The following PTPRG variants were observed in gnomAD, a reference collection of about 807,000 sequenced individuals.
PTPRG encodes the protein protein tyrosine phosphatase receptor type G.
PTPRG carries 102 observed loss-of-function variants against 165.3 expected under a neutral mutation model. The ratio of observed to expected loss-of-function variants is 0.62; its 90% CI spans 0.53 to 0.73. PTPRG has a LOEUF of 0.73. Among genes scored for constraint, PTPRG ranks in the 30% least tolerant of loss-of-function variants. The pLI is 0.00. For missense variants in PTPRG, 1,866 were observed against 1,861.4 expected, an observed-to-expected ratio of 1.00 and a Z score of -0.05; for synonymous variants, 675 against 669.5, an observed-to-expected ratio of 1.01 and a Z score of -0.13.
chr3:62,099,268 C>G (rs1702210379), intron 5 of PTPRG, among the ~76,000 whole-genome samples: 1 of 152,182 alleles, frequency 6.6e-6, no homozygotes, highest in Admixed American at 6.5e-5. Flanking sequence ...ACCATTAATT[C>G]TGGTGTAAGC....
chr3:61,798,665 T>C (rs1277132317), intron 2 of PTPRG, among the ~76,000 whole-genome samples: 1 of 151,722 alleles, frequency 6.6e-6, no homozygotes, highest in South Asian at 2.1e-4. Flanking sequence ...TTTGAATCTT[T>C]TCACTTTTAC....
At chr3:62,281,538 C>CTTTTTTTTTTTTCTT in intron 26 of PTPRG, 25 bp from the exon 27 acceptor site, 1 of 620,526 alleles carries the variant, frequency 1.6e-6, no homozygotes, top group Non-Finnish European at 2.1e-6. Context: ...ACTGCAGAGG[C>CTTTTTTTTTTTTCTT]TTTTTTTTTT....
At chr3:62,089,351 AT>A (rs1397608893) in intron 5 of PTPRG, among the ~76,000 whole-genome samples, 1 of 152,100 alleles carries the variant, frequency 6.6e-6, no homozygotes, top group Non-Finnish European at 1.5e-5. Context: ...GAGACTTTTT[AT>A]GATTTTCCCC....
At chr3:62,140,557 G>A (rs1048629886) in intron 6 of PTPRG, among the ~76,000 whole-genome samples, 4 of 152,098 alleles carry the variant, frequency 2.6e-5, no homozygotes, top group African/African-American at 9.7e-5. Flanking sequence ...AGAACAGTGG[G>A]GAGGAGGGGC....
At chr3:61,672,485 A>T (rs1040451940) in intron 1 of PTPRG, among the ~76,000 whole-genome samples, 1,498 of 147,374 alleles carry the variant, frequency 0.01, 32 homozygotes, top group African/African-American at 0.036. Flanking sequence ...CGGGAGGCCG[A>T]GGCTGGCGGA....
intron 1 of PTPRG, among the ~76,000 whole-genome samples, chr3:61,745,313 C>T (rs976154853): frequency 4.6e-5 from 7 of 152,136 alleles, no homozygotes; most frequent in African/African-American, 1.7e-4. Context: ...TCCCAAAGTG[C>T]TGGGATTACA....
chr3:61,999,911 T>C (rs1450536629), intron 3 of PTPRG, among the ~76,000 whole-genome samples: 1 of 152,232 alleles, frequency 6.6e-6, no homozygotes, highest in Non-Finnish European at 1.5e-5. Context: ...TTTTCTTTGA[T>C]ATAATCAAAA....
chr3:61,584,352 C>T (rs1267212583), intron 1 of PTPRG, among the ~76,000 whole-genome samples: 2 of 152,210 alleles, frequency 1.3e-5, no homozygotes, highest in Non-Finnish European at 2.9e-5. Flanking sequence ...CTAATCCTTT[C>T]TGTCATGTTT....
intron 1 of PTPRG, among the ~76,000 whole-genome samples, chr3:61,740,520 G>T (rs776086876): frequency 6.6e-6 from 1 of 151,946 alleles, no homozygotes; most frequent in East Asian, 1.9e-4. Context: ...CCAATGTTTT[G>T]TCCATTTTAG....
intron 1 of PTPRG, among the ~76,000 whole-genome samples, chr3:61,653,236 A>G (rs116587919): frequency 2.0e-5 from 3 of 152,320 alleles, no homozygotes; most frequent in Non-Finnish European, 2.9e-5. Flanking sequence ...GGGTTAGTCA[A>G]GACATCCTGT....
intron 1 of PTPRG, among the ~76,000 whole-genome samples, chr3:61,653,155 A>C (rs964133627): frequency 6.6e-6 from 1 of 152,206 alleles, no homozygotes; most frequent in Non-Finnish European, 1.5e-5. Context: ...AATGTGACTT[A>C]ATGTCACTAC....
chr3:61,837,790 TA>T (rs2036513806), intron 2 of PTPRG, among the ~76,000 whole-genome samples: 1 of 152,210 alleles, frequency 6.6e-6, no homozygotes, highest in Non-Finnish European at 1.5e-5. Flanking sequence ...CTGGGTGACT[TA>T]ACAGAAATTT....
At chr3:61,801,062 C>T (rs2035226228) in intron 2 of PTPRG, among the ~76,000 whole-genome samples, 2 of 152,170 alleles carry the variant, frequency 1.3e-5, no homozygotes, top group East Asian at 3.9e-4. Context: ...CGTAGCTTCC[C>T]TCTGGGAAGT....
intron 5 of PTPRG, among the ~76,000 whole-genome samples, chr3:62,111,229 C>T (rs550814997): frequency 3.9e-5 from 6 of 152,340 alleles, no homozygotes; most frequent in Admixed American, 2.0e-4. Flanking sequence ...CAGGCAGTGC[C>T]TGCGGAGCTC....
At position 62,271,402 on chromosome 3, in the gene PTPRG, A is replaced by G; in HGVS notation, c.3029A>G (p.Lys1010Arg). The G allele has an allele frequency of 6.2e-7, 1 of 1,607,488 alleles. No homozygotes were observed. The highest frequency in any genetic ancestry group is 8.5e-7 in the Non-Finnish European group (1 of 1,177,432). The change falls in exon 21 of 30, where the codon AAG becomes AGG. Residue 1010 changes from lysine to arginine, a missense_variant. This residue lies in a region of PTPRG where 1,452 missense variants were observed against 1,463.0 expected (regional missense o/e 0.99). Transcript: ENST00000474889. This position sits in a 1 kb window ranked among gnomAD's most constrained non-coding sequence, Gnocchi z 4.1. ...TCACAGGGTCAGAAGGGAAATCCCA[A>G]GGGTCGTCAGAATGAAAGGGTAGTG... ...KVKKGQKGNP[K>R]GRQNERVVIQ...
rs1576130543 is a variant in PTPRG, at chr3:62,203,830, A to C, written c.2035A>C (p.Thr679Pro). 6.2e-7 allele frequency: 1 copy of C among 1,613,830 alleles called. No homozygotes were observed. Among genetic ancestry groups the C allele is most frequent in the South Asian group, 1.1e-5 (1 of 91,072 alleles). Residue 679 changes from threonine to proline, a missense_variant, in exon 12 of 30, where the codon ACC becomes CCC. Transcript: ENST00000474889. This position sits in a 1 kb window ranked among gnomAD's most constrained non-coding sequence, Gnocchi z 6.4. ...DMVTSTQVPP[T>P]ATEEQYAGSD... ...GGTCACCTCCACCCAAGTGCCCCCC[A>C]CCGCCACAGAGGAGCAGTATGCAGG...
At chr3:61,604,015 G>A (rs1297152808) in intron 1 of PTPRG, among the ~76,000 whole-genome samples, 2 of 152,202 alleles carry the variant, frequency 1.3e-5, no homozygotes, top group African/African-American at 4.8e-5. Context: ...GCTGGGCACG[G>A]TTTTATTGAC....
At chr3:61,567,989 C>G (rs993209555) in intron 1 of PTPRG, among the ~76,000 whole-genome samples, 17 of 135,066 alleles carry the variant, frequency 1.3e-4, no homozygotes, top group African/African-American at 4.6e-4. Flanking sequence ...AAAAAAAGTT[C>G]ATTTGCCAGT....
chr3:62,066,777 T>C (rs978725511), intron 4 of PTPRG, among the ~76,000 whole-genome samples: 1 of 152,174 alleles, frequency 6.6e-6, no homozygotes, highest in Non-Finnish European at 1.5e-5. Context: ...CGGTGGCTCA[T>C]GCCTGTAATC....
Sources: allele counts gnomAD v4.1 joint callset (sites outside exome capture counted in the v4.1 genomes callset), GRCh38; gene constraint gnomAD v4.1.1; regional missense constraint gnomAD v4.1.1; non-coding constraint Gnocchi (gnomAD v3.1); transcripts MANE v1.5; gene names NCBI Gene and HGNC (gene_info 2026-07-23, HGNC 2026-07-21).